The following KLHL1 variants were observed in gnomAD, a reference collection of about 807,000 sequenced individuals.
The protein encoded by KLHL1 is kelch-like protein 1.
In KLHL1, 47 loss-of-function variants were observed where a neutral mutation model predicts 77.7. The ratio of observed to expected loss-of-function variants is 0.60; its 90% CI spans 0.48 to 0.77. The LOEUF is 0.77. Among genes scored for constraint, KLHL1 ranks in the 30% least tolerant of loss-of-function variants. The probability of loss-of-function intolerance (pLI) is 0.00; values close to 1 mark genes in which losing one functional copy is unlikely to be tolerated. For synonymous variants in KLHL1, 360 were observed against 325.2 expected (o/e 1.11, Z -1.15); for missense variants, 925 against 910.8 (o/e 1.02, Z -0.20).
intron 1 of KLHL1, among the ~76,000 whole-genome samples, chr13:70,022,539 A>G (rs2137353963): frequency 6.6e-6 from 1 of 152,026 alleles, no homozygotes; most frequent in South Asian, 2.1e-4. Context: ...TCAAACAGGA[A>G]TATTATGAAA....
intron 1 of KLHL1, among the ~76,000 whole-genome samples, chr13:69,982,474 AATAAT>A (rs1423984818): frequency 1.5e-4 from 21 of 135,566 alleles, no homozygotes; most frequent in Non-Finnish European, 2.3e-4. Flanking sequence ...TAATAATAAT[AATAAT>A]AAAATAAAAA....
At chr13:70,098,499 C>T (rs1292005597) in intron 1 of KLHL1, among the ~76,000 whole-genome samples, 1 of 151,600 alleles carries the variant, frequency 6.6e-6, no homozygotes, top group Admixed American at 6.6e-5. Context: ...ATGAGACACT[C>T]TTAAATCTTT....
intron 7 of KLHL1, among the ~76,000 whole-genome samples, chr13:69,795,112 G>A (rs550299081): frequency 4.2e-4 from 64 of 152,068 alleles, no homozygotes; most frequent in Non-Finnish European, 7.2e-4. Flanking sequence ...CTGCCTCATC[G>A]GAGAACACAG....
At chr13:69,882,082 C>T (rs1881019777) in intron 5 of KLHL1, among the ~76,000 whole-genome samples, 1 of 152,092 alleles carries the variant, frequency 6.6e-6, no homozygotes, top group African/African-American at 2.4e-5. Flanking sequence ...GGCCATGAGT[C>T]AATAAGCGGC....
chr13:69,913,553 A>G (rs1390937425), intron 4 of KLHL1, among the ~76,000 whole-genome samples: 1 of 152,232 alleles, frequency 6.6e-6, no homozygotes, highest in African/African-American at 2.4e-5. Context: ...AAACAGAGCT[A>G]TGTATCATTT....
chr13:69,716,792 A>G (rs189963211), intron 9 of KLHL1, among the ~76,000 whole-genome samples: 1 of 152,240 alleles, frequency 6.6e-6, no homozygotes, highest in East Asian at 1.9e-4. Context: ...TAAGCTCTGT[A>G]TAGCATAGTG....
chr13:70,063,023 C>T (rs193130392), intron 1 of KLHL1, among the ~76,000 whole-genome samples: 1 of 152,182 alleles, frequency 6.6e-6, no homozygotes, highest in East Asian at 1.9e-4. Flanking sequence ...ATCATAGCTG[C>T]CTCCATGAAA....
intron 1 of KLHL1, among the ~76,000 whole-genome samples, chr13:70,084,622 C>CTTTTTTTTTTGTTTTTTTTTTTT (rs1887482139): frequency 6.7e-5 from 1 of 14,956 alleles, no homozygotes; most frequent in Non-Finnish European, 1.0e-4. Flanking sequence ...CCACGCCAGG[C>CTTTTTTTTTTGTTTTTTTTTTTT]TTTTTTTTTT....
intron 3 of KLHL1, among the ~76,000 whole-genome samples, chr13:69,951,905 G>T (rs1336790175): frequency 2.6e-5 from 4 of 151,284 alleles, no homozygotes; most frequent in Non-Finnish European, 5.9e-5. Context: ...TGCTGCCGAG[G>T]GAGCATACAG....
intron 1 of KLHL1, among the ~76,000 whole-genome samples, chr13:70,040,021 T>C (rs1886338041): frequency 6.6e-6 from 1 of 152,144 alleles, no homozygotes; most frequent in African/African-American, 2.4e-5. Context: ...ATTATATAAC[T>C]TAAAATCCCC....
chr13:69,808,847 C>T (rs1297498459), intron 6 of KLHL1, among the ~76,000 whole-genome samples: 1 of 141,516 alleles, frequency 7.1e-6, no homozygotes, highest in Non-Finnish European at 1.5e-5. Context: ...TAAAAGATGA[C>T]ATAGTTGTAT....
chr13:69,945,177 G>A (rs543342635), intron 3 of KLHL1, among the ~76,000 whole-genome samples: 1 of 151,438 alleles, frequency 6.6e-6, no homozygotes, highest in African/African-American at 2.4e-5. Flanking sequence ...AGAACAGACG[G>A]GGTTTCACCA....
chr13:69,875,176 A>T (rs1367265496), intron 5 of KLHL1, among the ~76,000 whole-genome samples: 1 of 152,112 alleles, frequency 6.6e-6, no homozygotes, highest in East Asian at 1.9e-4. Context: ...GGTGATTTTC[A>T]TTAGGGCAAA....
chr13:69,929,821 T>G (rs1435296054), intron 4 of KLHL1, among the ~76,000 whole-genome samples: 1 of 151,834 alleles, frequency 6.6e-6, no homozygotes, highest in East Asian at 1.9e-4. Context: ...TACATTACAT[T>G]GCCTTTTCTA....
At chr13:69,825,209 G>C (rs191428397) in intron 6 of KLHL1, among the ~76,000 whole-genome samples, 2 of 152,028 alleles carry the variant, frequency 1.3e-5, no homozygotes, top group East Asian at 3.9e-4. Context: ...AATTGAATTG[G>C]TCAGGCTACT....
chr13:70,055,132 A>G (rs1047085928), intron 1 of KLHL1, among the ~76,000 whole-genome samples: 1 of 152,082 alleles, frequency 6.6e-6, no homozygotes, highest in African/African-American at 2.4e-5. Context: ...TTTATTAACC[A>G]CACTCCCAAA....
At chr13:70,008,856 G>C (rs1885465417) in intron 1 of KLHL1, among the ~76,000 whole-genome samples, 1 of 152,026 alleles carries the variant, frequency 6.6e-6, no homozygotes, top group Non-Finnish European at 1.5e-5. Context: ...CATTGATTTA[G>C]AAAGTTGTAC....
intron 1 of KLHL1, among the ~76,000 whole-genome samples, chr13:70,018,105 T>A (rs928623057): frequency 1.3e-5 from 2 of 152,124 alleles, no homozygotes; most frequent in African/African-American, 2.4e-5. Context: ...TTAGATAGAA[T>A]AAGATATTGA....
chr13:70,093,399 G>C (rs552150369), intron 1 of KLHL1, among the ~76,000 whole-genome samples: 31 of 152,192 alleles, frequency 2.0e-4, no homozygotes, highest in African/African-American at 7.5e-4. Context: ...AAGACTCTTA[G>C]TTAGAGATAG....
Sources: gnomAD v4.1 joint callset for allele counts (sites outside exome capture counted in the v4.1 genomes callset) on GRCh38, gnomAD v4.1.1 for gene constraint, MANE v1.5 for transcripts, NCBI Gene and HGNC (gene_info 2026-07-23, HGNC 2026-07-21) for gene names.